VPS8: variants seen among roughly 807,000 people sequenced by gnomAD.
VPS8 encodes the protein VPS8 subunit of CORVET complex.
Under a neutral mutation model 216.4 loss-of-function variants are expected in VPS8, and 129 were observed. The observed-to-expected ratio is 0.60, with a 90% CI of 0.52 to 0.69. VPS8 has a LOEUF of 0.69. Ranked by LOEUF, VPS8 falls within the 30% of genes least tolerant of loss-of-function variation. VPS8 has a pLI of 0.00. For synonymous variants in VPS8, 571 were observed against 565.4 expected (o/e 1.01, Z -0.14); for missense variants, 1,531 against 1,683.5 (o/e 0.91, Z 1.59).
At chr3:184,815,708 G>A (rs1384987492) in intron 1 of VPS8, 1 of 151,960 alleles carries the variant, frequency 6.6e-6, no homozygotes, top group Non-Finnish European at 1.5e-5. Context: ...TGGTTGGAAT[G>A]GAGGAGAAGC....
chr3:184,936,046 G>T (rs1741537856), intron 34 of VPS8, among the ~76,000 whole-genome samples, 200 bp from the exon 35 acceptor site: 1 of 151,480 alleles, frequency 6.6e-6, no homozygotes, highest in Non-Finnish European at 1.5e-5. Context: ...ATGAAATTTT[G>T]ATTTTTTTTT....
intron 37 of VPS8, among the ~76,000 whole-genome samples, chr3:184,963,282 T>G (rs1056770797): frequency 2.1e-4 from 32 of 152,124 alleles, no homozygotes; most frequent in Non-Finnish European, 5.9e-5. Flanking sequence ...CAGAGAGAAC[T>G]GACATCTCTG....
chr3:185,032,697 G>C (rs916436411), intron 46 of VPS8, among the ~76,000 whole-genome samples: 8 of 150,906 alleles, frequency 5.3e-5, no homozygotes, highest in Non-Finnish European at 1.0e-4. Context: ...ACAAAGTCTC[G>C]CTCTGTCGCC....
In VPS8 at chr3:184,900,908, A is replaced by C; in HGVS notation, c.2095-13A>C. 1 of 1,597,052 alleles carries C rather than the reference A, an allele frequency of 6.3e-7. No homozygotes were observed. Among genetic ancestry groups the C allele is most frequent in the Non-Finnish European group, 8.5e-7 (1 of 1,173,738 alleles). On this transcript the variant is annotated splice_polypyrimidine_tract_variant and intron_variant, in intron 24 of 47. Coordinates refer to ENST00000625842, the MANE Select transcript of VPS8 (RefSeq NM_001009921.3). Reference sequence around the variant, plus strand: ...AGATGATGATGATTGTTTTCCTATTAATTTTAATGCAGAAACTTTTCAGAG... The same window carrying C: ...AGATGATGATGATTGTTTTCCTATTCATTTTAATGCAGAAACTTTTCAGAG...
intron 8 of VPS8, among the ~76,000 whole-genome samples, chr3:184,845,564 A>G (rs1722959161): frequency 6.6e-6 from 1 of 151,880 alleles, no homozygotes; most frequent in African/African-American, 2.4e-5. Context: ...GTTCGAGACC[A>G]GTCTAACATG....
At chr3:184,852,318 C>G (rs2108664265) in intron 10 of VPS8, among the ~76,000 whole-genome samples, 182 bp from the exon 11 acceptor site, 1 of 152,040 alleles carries the variant, frequency 6.6e-6, no homozygotes, top group East Asian at 1.9e-4. Context: ...GATATTGGAC[C>G]ATTATTACTC....
intron 46 of VPS8, among the ~76,000 whole-genome samples, chr3:185,027,729 A>G (rs1052532510): frequency 1.4e-4 from 21 of 152,142 alleles, no homozygotes; most frequent in Non-Finnish European, 2.9e-4. Context: ...GCTCTTTGTC[A>G]TTTTAGGTGT....
intron 21 of VPS8, among the ~76,000 whole-genome samples, chr3:184,878,102 A>G (rs550178414): frequency 6.6e-6 from 1 of 152,140 alleles, no homozygotes; most frequent in South Asian, 2.1e-4. Flanking sequence ...AAAATAATAT[A>G]ATTTTAAAAG....
chr3:185,003,119 T>C (rs1753642582), intron 45 of VPS8, among the ~76,000 whole-genome samples: 1 of 43,596 alleles, frequency 2.3e-5, no homozygotes, highest in African/African-American at 5.2e-5. Flanking sequence ...CTAATATTTT[T>C]TTATTTTTAT....
intron 14 of VPS8, among the ~76,000 whole-genome samples, chr3:184,856,074 G>T (rs1011503017): frequency 1.3e-5 from 2 of 152,172 alleles, no homozygotes; most frequent in Admixed American, 6.5e-5. Flanking sequence ...AATGTATAAA[G>T]ATATGAATGT....
At chr3:185,011,654 C>T (rs1405723951) in intron 45 of VPS8, among the ~76,000 whole-genome samples, 1 of 152,140 alleles carries the variant, frequency 6.6e-6, no homozygotes, top group Admixed American at 6.5e-5. Context: ...TGATAAATAC[C>T]TCAAATTTTG....
chr3:184,957,671 A>G, intron 37 of VPS8, 150 bp downstream of exon 37: 1 of 1,023,842 alleles, frequency 9.8e-7, no homozygotes, highest in Admixed American at 3.0e-5. Context: ...AACAAAAGTC[A>G]GATTAACAAA....
chr3:184,870,837 G>A (rs1306808411), intron 21 of VPS8, 32 bp downstream of exon 21: 1 of 1,550,256 alleles, frequency 6.5e-7, no homozygotes. Flanking sequence ...AGTAGACGAT[G>A]CTCTGGATAG....
In VPS8 at chr3:184,913,270, C is replaced by T. The variant is rs140000813; in HGVS notation, c.2147-249C>T. 1.6e-4 allele frequency among the ~76,000 whole-genome samples: 25 copies of T among 152,312 alleles called. No homozygotes were observed. The East Asian group carries it at 4.8e-3, about 29-fold the overall frequency. ...CCCCAAGTTAGTTAGGCCAACAGTACATAGATCTCTACCCTCAGATCTATT... is the reference window on the plus strand; with the variant it reads ...CCCCAAGTTAGTTAGGCCAACAGTATATAGATCTCTACCCTCAGATCTATT... On this transcript the variant is annotated intron_variant, in intron 25 of 47. Coordinates refer to ENST00000625842, the MANE Select transcript of VPS8 (RefSeq NM_001009921.3).
intron 23 of VPS8, among the ~76,000 whole-genome samples, chr3:184,896,322 A>G (rs1255307199): frequency 6.6e-6 from 1 of 152,084 alleles, no homozygotes; most frequent in Admixed American, 6.5e-5. Context: ...ACTTTATAAC[A>G]TTTTCAGTCT....
chr3:184,887,857 T>C (rs2108884228), intron 22 of VPS8, among the ~76,000 whole-genome samples: 1 of 152,326 alleles, frequency 6.6e-6, no homozygotes, highest in South Asian at 2.1e-4. Context: ...AGACCTTTGA[T>C]GAAGTCATAG....
intron 1 of VPS8, among the ~76,000 whole-genome samples, chr3:184,823,582 C>T (rs916576469): frequency 6.6e-6 from 1 of 152,138 alleles, no homozygotes; most frequent in Non-Finnish European, 1.5e-5. Flanking sequence ...GTTTAGGAAA[C>T]AAAATGATCT....
At chr3:184,945,413 C>T (rs973060561) in intron 36 of VPS8, among the ~76,000 whole-genome samples, 6 of 151,908 alleles carry the variant, frequency 3.9e-5, no homozygotes, top group Non-Finnish European at 8.8e-5. Context: ...AGAGAATTTA[C>T]ATTCTAATGG....
At chr3:184,877,471 T>C (rs921866290) in intron 21 of VPS8, among the ~76,000 whole-genome samples, 12 of 152,214 alleles carry the variant, frequency 7.9e-5, no homozygotes, top group African/African-American at 2.7e-4. Context: ...AAGAACCAAA[T>C]GTAGGACTTA....
Sources: allele counts gnomAD v4.1 joint callset (sites outside exome capture counted in the v4.1 genomes callset), GRCh38; gene constraint gnomAD v4.1.1; transcripts MANE v1.5; gene names NCBI Gene and HGNC (gene_info 2026-07-23, HGNC 2026-07-21).